Variants in SMARCA2 observed in about 807,000 individuals in gnomAD.
The protein encoded by SMARCA2 is SWI/SNF-related matrix-associated actin-dependent regulator of chromatin subfamily A member 2.
SMARCA2 carries 61 observed loss-of-function variants against 199.8 expected under a neutral mutation model. The observed-to-expected ratio is 0.31, with a 90% CI of 0.25 to 0.38. The LOEUF (loss-of-function observed/expected upper bound fraction) is 0.38, where lower values mean the gene tolerates loss of function less well. SMARCA2 is among the 10% of genes least tolerant of loss of function. The pLI is 1.00. For synonymous variants in SMARCA2, 935 were observed against 732.0 expected (o/e 1.28, Z -4.48); for missense variants, 1,344 against 2,012.2 (o/e 0.67, Z 6.35).
intron 14 of SMARCA2, among the ~76,000 whole-genome samples, chr9:2,080,424 C>G (rs530722336): frequency 5.0e-4 from 76 of 152,232 alleles, no homozygotes; most frequent in Non-Finnish European, 2.9e-5. Flanking sequence ...AAATTCAGCC[C>G]CTTTACCAAT....
intron 17 of SMARCA2, 30 bp downstream of exon 17, chr9:2,084,226 A>C (rs1210851885): frequency 8.5e-7 from 1 of 1,170,724 alleles, no homozygotes; most frequent in African/African-American, 1.5e-5. Flanking sequence ...TTTTCTCTCT[A>C]ATTAGGACCA....
chr9:2,128,842 G>A (rs184888002), intron 27 of SMARCA2, among the ~76,000 whole-genome samples: 14 of 152,272 alleles, frequency 9.2e-5, no homozygotes, highest in African/African-American at 3.1e-4. Flanking sequence ...CTTGGATTCT[G>A]AAGGGGGAGT....
At chr9:2,075,852 G>C (rs1821301989) in intron 12 of SMARCA2, among the ~76,000 whole-genome samples, 1 of 152,056 alleles carries the variant, frequency 6.6e-6, no homozygotes, top group South Asian at 2.1e-4. Context: ...TGAGAAGGAG[G>C]ATCCTAAGAG....
chr9:2,050,952 A>T (rs946069290), intron 5 of SMARCA2, among the ~76,000 whole-genome samples: 1 of 152,184 alleles, frequency 6.6e-6, no homozygotes, highest in Non-Finnish European at 1.5e-5. Flanking sequence ...ATTCTGCATC[A>T]ATTTTCTGTA....
chr9:2,088,859 C>T (rs1181073889), intron 19 of SMARCA2, among the ~76,000 whole-genome samples: 2 of 139,456 alleles, frequency 1.4e-5, no homozygotes, highest in Non-Finnish European at 3.0e-5. Flanking sequence ...CACTGAGTCT[C>T]ATTTACATTT....
At chr9:2,126,882 G>A (rs1823719821) in intron 27 of SMARCA2, among the ~76,000 whole-genome samples, 1 of 152,228 alleles carries the variant, frequency 6.6e-6, no homozygotes, top group Admixed American at 6.5e-5. Flanking sequence ...CTGATTAATA[G>A]TTCTTCCTCC....
At chr9:2,092,703 G>C (rs1822110467) in intron 19 of SMARCA2, among the ~76,000 whole-genome samples, 1 of 152,164 alleles carries the variant, frequency 6.6e-6, no homozygotes, top group African/African-American at 2.4e-5. Context: ...ATGCTTAGGA[G>C]ATAATTACCA....
In SMARCA2 at chr9:2,191,530, T is replaced by C; in HGVS notation, c.4737+122T>C. ...ACCCAGGACTGGAAATGTCAGGATT[T>C]AGTGAGATTTCATTATTGAGGGATG... is the stretch of plus-strand genomic sequence containing the variant. On this transcript the variant is annotated intron_variant, in intron 33 of 33. Transcript: ENST00000349721. 9 of 1,077,372 alleles carry C rather than the reference T, an allele frequency of 8.4e-6. No individual in the cohort carries two copies. The South Asian group carries it at 1.2e-4, about 14-fold the overall frequency. 66.7% of individuals were successfully genotyped at this position (1,077,372 alleles called of 1,614,324 possible). A position where few individuals can be genotyped will look rare whatever the true frequency, so the allele number is the denominator to read the frequency against.
At chr9:2,145,071 G>C (rs1018953483) in intron 27 of SMARCA2, among the ~76,000 whole-genome samples, 1 of 152,128 alleles carries the variant, frequency 6.6e-6, no homozygotes, top group African/African-American at 2.4e-5. Flanking sequence ...AGGCCTAGGC[G>C]GACGGATCAC....
At chr9:2,025,361 G>A (rs1338928803) in intron 1 of SMARCA2, among the ~76,000 whole-genome samples, 1 of 152,102 alleles carries the variant, frequency 6.6e-6, no homozygotes, top group Non-Finnish European at 1.5e-5. Context: ...ATACATTTTT[G>A]TCATTATGTT....
chr9:2,168,470 T>A (rs1223933388), intron 28 of SMARCA2, among the ~76,000 whole-genome samples: 2 of 152,230 alleles, frequency 1.3e-5, no homozygotes, highest in Non-Finnish European at 2.9e-5. Context: ...GGCCTACATA[T>A]AATCAGCCCA....
chr9:2,176,111 C>G (rs182941286), intron 29 of SMARCA2, among the ~76,000 whole-genome samples: 13 of 151,064 alleles, frequency 8.6e-5, no homozygotes, highest in Non-Finnish European at 1.5e-4. Flanking sequence ...GAACTCCTGA[C>G]CTCAGGTGAT....
At chr9:2,192,451 A>G in intron 33 of SMARCA2, 1 of 496,138 alleles carries the variant, frequency 2.0e-6, no homozygotes, top group Non-Finnish European at 3.6e-6. Flanking sequence ...AAACCTTTCA[A>G]GCCAAAGTGA....
At chr9:2,047,012 G>A (rs1209524281) in intron 4 of SMARCA2, among the ~76,000 whole-genome samples, 1 of 149,708 alleles carries the variant, frequency 6.7e-6, no homozygotes, top group East Asian at 2.0e-4. Flanking sequence ...TTCCTTCTCC[G>A]TTTTCTTTTT....
intron 13 of SMARCA2, among the ~76,000 whole-genome samples, chr9:2,076,888 C>CAAA (rs1821350259): frequency 6.6e-6 from 1 of 152,104 alleles, no homozygotes; most frequent in South Asian, 2.1e-4. Context: ...AGGGTTTGCA[C>CAAA]ATTTCTTTGC....
At chr9:2,163,106 A>G (rs1337451721) in intron 28 of SMARCA2, among the ~76,000 whole-genome samples, 3 of 152,250 alleles carry the variant, frequency 2.0e-5, no homozygotes, top group Non-Finnish European at 2.9e-5. Context: ...ATTAAGTGGT[A>G]TAAAAAGCAA....
In SMARCA2 at chr9:2,115,768, T is replaced by C. The variant is rs1425909729; in HGVS notation, c.3457-54T>C. The C allele has an allele frequency of 1.4e-6, 2 of 1,448,020 alleles. No homozygotes were observed. Among genetic ancestry groups the C allele is most frequent in the Non-Finnish European group, 1.9e-6 (2 of 1,038,518 alleles). 89.7% of individuals were successfully genotyped at this position (1,448,020 alleles called of 1,614,324 possible). A position where few individuals can be genotyped will look rare whatever the true frequency, so the allele number is the denominator to read the frequency against. On this transcript the variant is annotated intron_variant, in intron 24 of 33. Coordinates refer to ENST00000349721, the MANE Select transcript of SMARCA2 (RefSeq NM_003070.5). This position sits in a 1 kb window ranked among gnomAD's most constrained non-coding sequence, Gnocchi z 6.0. ...TTCCCTCTGGGGTGGGGTCCGGTTT[T>C]GGATGCCTATGCCAGGCATCTCAGT...
chr9:2,190,719 A>T (rs1827819681), intron 32 of SMARCA2, among the ~76,000 whole-genome samples: 1 of 152,190 alleles, frequency 6.6e-6, no homozygotes, highest in South Asian at 2.1e-4. Context: ...ATAATTAGTT[A>T]TAGGGAAAGA....
intron 13 of SMARCA2, among the ~76,000 whole-genome samples, chr9:2,076,972 T>C (rs1821352567): frequency 6.6e-6 from 1 of 152,096 alleles, no homozygotes; most frequent in Non-Finnish European, 1.5e-5. Context: ...AAACCAGAAA[T>C]AGACATCCTA....
Sources: gnomAD v4.1 joint callset for allele counts (sites outside exome capture counted in the v4.1 genomes callset) on GRCh38, gnomAD v4.1.1 for gene constraint, Gnocchi (gnomAD v3.1) non-coding constraint, MANE v1.5 for transcripts, NCBI Gene and HGNC (gene_info 2026-07-23, HGNC 2026-07-21) for gene names.